The following NAA11 variants were observed in gnomAD, a reference collection of about 807,000 sequenced individuals.
NAA11 encodes N-alpha-acetyltransferase 11, NatA catalytic subunit.
A neutral mutation model predicts 16.1 loss-of-function variants in NAA11; 15 were observed. That is an observed-to-expected ratio of 0.93 (90% confidence interval 0.62 to 1.44). NAA11 has a LOEUF of 1.44. NAA11 is among the 40% of genes most tolerant of loss of function. The pLI is 0.00. For missense variants in NAA11, 298 were observed against 291.3 expected (o/e 1.02, Z -0.17); for synonymous variants, 122 against 112.4 (o/e 1.09, Z -0.54).
At chr4:79,160,735 T>G in the NAA11 span, among the ~76,000 whole-genome samples, 3 of 152,230 alleles carry the variant, frequency 2.0e-5, no homozygotes, top group African/African-American at 7.2e-5. Context: ...GTTCTTTATA[T>G]ATTTTGGCAA....
chr4:79,158,800 A>C, the NAA11 span, among the ~76,000 whole-genome samples: 2 of 151,196 alleles, frequency 1.3e-5, no homozygotes, highest in African/African-American at 4.8e-5. Flanking sequence ...GAGAGCACAA[A>C]ATAAGCCCAA....
intron 1 of NAA11, among the ~76,000 whole-genome samples, chr4:79,309,302 T>C (rs944589390): frequency 1.9e-5 from 2 of 103,310 alleles, no homozygotes; most frequent in African/African-American, 7.7e-5. Context: ...AAATAATACT[T>C]CAGCCATTTT....
intron 1 of NAA11, chr4:79,299,088 C>T (rs1723311712): frequency 6.6e-6 from 1 of 152,230 alleles, no homozygotes; most frequent in Non-Finnish European, 1.5e-5. Flanking sequence ...CATGGATATA[C>T]TGTCAGACTG....
the NAA11 span, among the ~76,000 whole-genome samples, chr4:79,164,104 G>T: frequency 6.6e-6 from 1 of 152,008 alleles, no homozygotes; most frequent in Non-Finnish European, 1.5e-5. Flanking sequence ...TTAGGACCAG[G>T]TTGATTCATT....
At chr4:79,193,777 T>C in the NAA11 span, among the ~76,000 whole-genome samples, 2 of 152,128 alleles carry the variant, frequency 1.3e-5, no homozygotes, top group Non-Finnish European at 2.9e-5. Context: ...TCCTTGGTAG[T>C]TTGATGGGGA....
chr4:79,246,509 G>A (rs1428492500), intron 2 of NAA11, among the ~76,000 whole-genome samples: 1 of 151,340 alleles, frequency 6.6e-6, no homozygotes, highest in African/African-American at 2.4e-5. Flanking sequence ...TATGTAAAAA[G>A]AAAAATTTAG....
At chr4:79,292,172 A>G (rs555886265) in intron 2 of NAA11, among the ~76,000 whole-genome samples, 3 of 152,094 alleles carry the variant, frequency 2.0e-5, no homozygotes, top group Non-Finnish European at 4.4e-5. Flanking sequence ...TTTTTCCCCT[A>G]CCACCCACTA....
At chr4:79,246,377 T>TAAAAAAAAAAAA (rs869224539) in intron 2 of NAA11, among the ~76,000 whole-genome samples, 18 of 22,426 alleles carry the variant, frequency 8.0e-4, no homozygotes, top group African/African-American at 2.1e-3. Context: ...CAATAAATAC[T>TAAAAAAAAAAAA]AAAAAAAAAA....
the NAA11 span, among the ~76,000 whole-genome samples, chr4:79,175,954 C>T: frequency 6.6e-6 from 1 of 152,104 alleles, no homozygotes; most frequent in African/African-American, 2.4e-5. Flanking sequence ...GCTCTTGATG[C>T]TATATTTAAT....
At chr4:79,282,208 GA>G (rs1315017403) in intron 2 of NAA11, among the ~76,000 whole-genome samples, 1 of 152,070 alleles carries the variant, frequency 6.6e-6, no homozygotes, top group Non-Finnish European at 1.5e-5. Context: ...GATGTAGTGG[GA>G]AAAGAGTATA....
chr4:79,194,114 G>T, the NAA11 span, among the ~76,000 whole-genome samples: 1 of 152,098 alleles, frequency 6.6e-6, no homozygotes, highest in African/African-American at 2.4e-5. Context: ...AGCTTAAGGA[G>T]ATTTTGGGCT....
chr4:79,288,164 A>G (rs991501897), intron 2 of NAA11, among the ~76,000 whole-genome samples: 1 of 152,226 alleles, frequency 6.6e-6, no homozygotes, highest in African/African-American at 2.4e-5. Context: ...TCAGCAAATC[A>G]GAATTGTTTG....
chr4:79,158,529 A>C, the NAA11 span, among the ~76,000 whole-genome samples: 29 of 152,116 alleles, frequency 1.9e-4, no homozygotes, highest in African/African-American at 7.0e-4. Context: ...GAAAATGAAC[A>C]TACTGCCAAA....
chr4:79,172,156 A>G, the NAA11 span, among the ~76,000 whole-genome samples: 1 of 152,038 alleles, frequency 6.6e-6, no homozygotes, highest in Non-Finnish European at 1.5e-5. Context: ...ATAATCTGTG[A>G]TTTTTATCAC....
chr4:79,285,284 CTA>C (rs1722882327), intron 2 of NAA11, among the ~76,000 whole-genome samples: 1 of 152,104 alleles, frequency 6.6e-6, no homozygotes, highest in Admixed American at 6.6e-5. Flanking sequence ...AACACACAGA[CTA>C]TTCATCACAG....
intron 2 of NAA11, among the ~76,000 whole-genome samples, chr4:79,227,008 T>A (rs1397785674): frequency 2.0e-5 from 3 of 152,078 alleles, no homozygotes; most frequent in African/African-American, 4.8e-5. Flanking sequence ...CGCCACACTG[T>A]CTTTCACAAT....
chr4:79,316,019 T>C (rs530679162), downstream of NAA11, among the ~76,000 whole-genome samples: 2 of 152,264 alleles, frequency 1.3e-5, no homozygotes, highest in South Asian at 2.1e-4. Context: ...CATTTTCCAA[T>C]TGCTCCAACT....
intron 1 of NAA11, among the ~76,000 whole-genome samples, chr4:79,323,677 C>A (rs1724170151): frequency 6.6e-6 from 1 of 152,062 alleles, no homozygotes; most frequent in Non-Finnish European, 1.5e-5. Flanking sequence ...AAAAATTAGC[C>A]AGGCGTGGTG....
chr4:79,255,292 G>A (rs1722082988), intron 2 of NAA11, among the ~76,000 whole-genome samples: 2 of 151,956 alleles, frequency 1.3e-5, no homozygotes. Flanking sequence ...TTTTGTACAT[G>A]TCTTTGGTGG....
Sources: allele counts gnomAD v4.1 joint callset (sites outside exome capture counted in the v4.1 genomes callset), GRCh38; gene constraint gnomAD v4.1.1; transcripts MANE v1.5; gene names NCBI Gene and HGNC (gene_info 2026-07-23, HGNC 2026-07-21).